Variants in EIF2AK4 observed in about 807,000 individuals in gnomAD.
EIF2AK4 encodes the protein eukaryotic translation initiation factor 2 alpha kinase 4, also known as eIF-2-alpha kinase GCN2.
In EIF2AK4, 139 loss-of-function variants were observed where a neutral mutation model predicts 211.1. The observed-to-expected ratio is 0.66, with a 90% CI of 0.57 to 0.76. The LOEUF is 0.76. Among genes scored for constraint, EIF2AK4 ranks in the 30% least tolerant of loss-of-function variants. The pLI is 0.00. For synonymous variants in EIF2AK4, 710 were observed against 751.3 expected (o/e 0.94, Z 0.90); for missense variants, 1,664 against 2,043.8 (o/e 0.81, Z 3.58).
chr15:39,940,159 G>A (rs73384353), intron 2 of EIF2AK4, among the ~76,000 whole-genome samples: 11,283 of 152,236 alleles, frequency 0.074, 1,426 homozygotes, highest in African/African-American at 0.26. Context: ...CCAATGCCAC[G>A]AGTGTCCTCC....
At chr15:39,945,667 G>GTGCCATCTAGAAT (rs1355285448) in intron 3 of EIF2AK4, among the ~76,000 whole-genome samples, 2 of 151,868 alleles carry the variant, frequency 1.3e-5, no homozygotes, top group East Asian at 3.9e-4. Flanking sequence ...ATGGAAGAAG[G>GTGCCATCTAGAAT]TGCCATCTAG....
chr15:40,029,256 TTTTTTG>T (rs1277947273), intron 33 of EIF2AK4, 144 bp from the exon 34 acceptor site: 11 of 1,365,620 alleles, frequency 8.1e-6, no homozygotes, highest in Admixed American at 6.5e-5. Context: ...TAAATGCAAA[TTTTTTG>T]TTTTTGTTTT....
At chr15:40,034,054 G>T (rs868261241) in intron 37 of EIF2AK4, among the ~76,000 whole-genome samples, 1 of 151,032 alleles carries the variant, frequency 6.6e-6, no homozygotes, top group Non-Finnish European at 1.5e-5. Flanking sequence ...AAAAGTAAAC[G>T]GTAGGCAGAA....
intron 23 of EIF2AK4, among the ~76,000 whole-genome samples, chr15:40,004,037 A>G (rs548427179): frequency 6.6e-6 from 1 of 152,354 alleles, no homozygotes; most frequent in South Asian, 2.1e-4. Context: ...CTCACCAATA[A>G]TAAAGAAGTG....
chr15:40,002,886 C>G (rs1595422234), intron 22 of EIF2AK4, 98 bp downstream of exon 22: 2 of 1,344,144 alleles, frequency 1.5e-6, no homozygotes, highest in Admixed American at 4.0e-5. Flanking sequence ...ATTTTACTTT[C>G]AAATTCAGTT....
intron 11 of EIF2AK4, 50 bp from the exon 12 acceptor site, chr15:39,976,364 C>T: frequency 6.5e-7 from 1 of 1,531,206 alleles, no homozygotes; most frequent in African/African-American, 1.4e-5. Context: ...GTGCAAATGC[C>T]TGTTTGTGCA....
At position 40,009,679 on chromosome 15, in the gene EIF2AK4, G is replaced by T; in HGVS notation, c.3642G>T (p.Gly1214=). 6.2e-7 allele frequency: 1 copy of T among 1,610,060 alleles called. No homozygotes were observed. ...MLLKAILLHC[G]IPEDKLSQVY... is the part of the protein sequence containing the mutation. The stretch of plus-strand genomic sequence containing the variant: ...TGAAAGCAATACTCTTACACTGTGG[G>T]ATCCCAGAAGATAAACTCAGTCAAG... The change falls in exon 26 of 39, where the codon GGG becomes GGT. Residue 1214 remains glycine, a synonymous_variant. Transcript: ENST00000263791.
intron 34 of EIF2AK4, 106 bp downstream of exon 34, chr15:40,029,570 T>C (rs2035510980): frequency 8.5e-7 from 1 of 1,181,126 alleles, no homozygotes; most frequent in Admixed American, 2.3e-5. Flanking sequence ...ATTTTTAAAA[T>C]AACATATACG....
At position 40,030,340 on chromosome 15, in the gene EIF2AK4, GA is replaced by G; in HGVS notation, c.4562-16del. Reference sequence around the variant, plus strand: ...GGGACCAGATAAGGCCATAAATTCTGAAACTCTCTTGGTCTCAGGTTTGTTT... The same window carrying G: ...GGGACCAGATAAGGCCATAAATTCTGAACTCTCTTGGTCTCAGGTTTGTTT... On this transcript the variant is annotated intron_variant, in intron 34 of 38. Transcript: ENST00000263791. 1.2e-6 allele frequency: 2 copies of G among 1,612,608 alleles called. No homozygotes were observed. The highest frequency in any genetic ancestry group is 1.7e-6 in the Non-Finnish European group (2 of 1,179,216).
intron 6 of EIF2AK4, among the ~76,000 whole-genome samples, chr15:39,960,894 C>G (rs1252566236): frequency 6.6e-6 from 1 of 152,122 alleles, no homozygotes; most frequent in Non-Finnish European, 1.5e-5. Context: ...CCTCTTGCCT[C>G]GTGTTCTCAG....
chr15:39,976,898 TTTA>T (rs916014190), intron 12 of EIF2AK4, 54 bp downstream of exon 12: 17 of 1,390,956 alleles, frequency 1.2e-5, no homozygotes, highest in South Asian at 6.6e-5. Context: ...GTTTCCTTTC[TTTA>T]TTTTTTTTTC....
rs74985886 is a variant in EIF2AK4 at position 40,028,163 on chromosome 15, C to T, written c.4503-1243C>T. ...ACATGACTCACTATAGCCTTAACCT[C>T]CCAGGCTCAGGTGATCCTTCCTTCT... is the stretch of plus-strand genomic sequence containing the variant. On this transcript the variant is annotated intron_variant, in intron 33 of 38. Coordinates refer to ENST00000263791, the MANE Select transcript of EIF2AK4 (RefSeq NM_001013703.4). 3.2e-4 allele frequency among the ~76,000 whole-genome samples: 48 copies of T among 151,674 alleles called. No individual in the cohort carries two copies. The East Asian group carries it at 9.3e-3, about 29-fold the overall frequency.
chr15:39,935,092 G>T (rs981708759), intron 1 of EIF2AK4, among the ~76,000 whole-genome samples: 1 of 152,142 alleles, frequency 6.6e-6, no homozygotes, highest in African/African-American at 2.4e-5. Flanking sequence ...GAAAGTTTAC[G>T]AATGCGTGTT....
intron 9 of EIF2AK4, among the ~76,000 whole-genome samples, chr15:39,970,502 T>C (rs1307967646): frequency 1.3e-5 from 2 of 152,180 alleles, no homozygotes. Context: ...AAATAAATTC[T>C]GGTAGGTCCA....
chr15:39,982,551 TTC>T (rs1274444281), intron 13 of EIF2AK4, among the ~76,000 whole-genome samples: 1 of 152,188 alleles, frequency 6.6e-6, no homozygotes, highest in Non-Finnish European at 1.5e-5. Flanking sequence ...TTCTTTTCTT[TTC>T]TTTTTTTAAT....
In EIF2AK4 at chr15:39,950,190, A is replaced by G. The variant is rs140115261; in HGVS notation, c.513+922A>G. 7.4e-3 allele frequency among the ~76,000 whole-genome samples: 1,128 copies of G among 152,338 alleles called. 6 individuals carry two copies. The highest frequency in any genetic ancestry group is 0.031 in the Middle Eastern group (9 of 294). ...ATTCATAATACTTTCTTTAAACTAT[A>G]TGTTTAAAAATAGTTTAATGTATTT... On this transcript the variant is annotated intron_variant, in intron 4 of 38. Coordinates refer to ENST00000263791, the MANE Select transcript of EIF2AK4 (RefSeq NM_001013703.4).
At chr15:39,935,437 C>A (rs1292327150) in intron 1 of EIF2AK4, among the ~76,000 whole-genome samples, 1 of 151,944 alleles carries the variant, frequency 6.6e-6, no homozygotes, top group Non-Finnish European at 1.5e-5. Flanking sequence ...TCAAGCAATC[C>A]TTCTGCCTCA....
chr15:40,002,754 G>GAAA lies in EIF2AK4; in HGVS notation c.3201_3202insAAA (p.Val1067_Cys1068insLys). On this transcript the variant is annotated inframe_insertion, in exon 22 of 39. Coordinates refer to ENST00000263791, the MANE Select transcript of EIF2AK4 (RefSeq NM_001013703.4). Reference sequence around the variant, plus strand: ...GTACAGCCAAGATGCAGCAGCATGTGTGTGAAACCATCATCCGCATCTTTA... The same window carrying GAAA: ...GTACAGCCAAGATGCAGCAGCATGTGAAATGTGAAACCATCATCCGCATCTTTA... 6.2e-7 allele frequency: 1 copy of GAAA among 1,614,230 alleles called. No homozygotes were observed. The highest frequency in any genetic ancestry group is 1.1e-5 in the South Asian group (1 of 91,082).
chr15:40,029,913 G>A (rs1190607774), intron 34 of EIF2AK4, among the ~76,000 whole-genome samples: 1 of 152,174 alleles, frequency 6.6e-6, no homozygotes, highest in African/African-American at 2.4e-5. Flanking sequence ...TTTTAAAGAA[G>A]TGTTCCAATT....
Sources: gnomAD v4.1 joint callset for allele counts (sites outside exome capture counted in the v4.1 genomes callset) on GRCh38, gnomAD v4.1.1 for gene constraint, MANE v1.5 for transcripts, NCBI Gene and HGNC (gene_info 2026-07-23, HGNC 2026-07-21) for gene names.